M1AP: variants seen among roughly 807,000 people sequenced by gnomAD.
The protein encoded by M1AP is meiosis 1 arrest protein.
M1AP carries 39 observed loss-of-function variants against 51.2 expected under a neutral mutation model. The observed-to-expected ratio is 0.76, with a 90% CI of 0.59 to 1.00. The LOEUF is 1.00. M1AP is among the 50% of genes least tolerant of loss of function. M1AP has a pLI of 0.00. For synonymous variants in M1AP, 251 were observed against 249.2 expected (o/e 1.01, Z -0.07); for missense variants, 545 against 641.2 (o/e 0.85, Z 1.62).
intron 7 of M1AP, among the ~76,000 whole-genome samples, chr2:74,571,115 G>A (rs1678712890): frequency 6.6e-6 from 1 of 152,204 alleles, no homozygotes; most frequent in African/African-American, 2.4e-5. Flanking sequence ...GTGCCAATGT[G>A]CAGGGAAAAC....
chr2:74,638,597 T>C (rs1031800084), intron 2 of M1AP, among the ~76,000 whole-genome samples: 1 of 152,224 alleles, frequency 6.6e-6, no homozygotes, highest in African/African-American at 2.4e-5. Context: ...TCAGTCGTTC[T>C]GGGAGAAGCC....
intron 4 of M1AP, among the ~76,000 whole-genome samples, chr2:74,585,001 C>T (rs1679624789): frequency 6.6e-6 from 1 of 151,722 alleles, no homozygotes; most frequent in Admixed American, 6.6e-5. Flanking sequence ...AGCCACCACA[C>T]CTGGCTAATT....
In M1AP at chr2:74,610,718, G is replaced by A. The variant is rs553650398; in HGVS notation, c.427-3495C>T. On this transcript the variant is annotated intron_variant, in intron 3 of 10. Coordinates refer to ENST00000421985, the MANE Select transcript of M1AP (RefSeq NM_001321739.2). ...CTTACCTTGGCTCCCAAAGTGCTGGGATTACAGGCGTGAGCTACTGCACCT... is the reference window on the plus strand; with the variant it reads ...CTTACCTTGGCTCCCAAAGTGCTGGAATTACAGGCGTGAGCTACTGCACCT... Among the ~76,000 whole-genome samples, 29 of 152,140 alleles carry A rather than the reference G, an allele frequency of 1.9e-4. No individual in the cohort carries two copies. The South Asian group carries it at 5.8e-3, about 31-fold the overall frequency.
intron 3 of M1AP, 107 bp downstream of exon 3, chr2:74,614,857 A>G (rs557718901): frequency 2.0e-6 from 2 of 1,020,792 alleles, no homozygotes; most frequent in East Asian, 2.5e-5. Context: ...TTTGAATATT[A>G]CATCTAGAGT....
At chr2:74,646,313 G>A (rs971435296) in intron 1 of M1AP, among the ~76,000 whole-genome samples, 2 of 152,216 alleles carry the variant, frequency 1.3e-5, no homozygotes, top group African/African-American at 4.8e-5. Flanking sequence ...GATAATGCCA[G>A]GAGTGAAATC....
At chr2:74,626,257 GTTTTT>G (rs1337799000) in intron 2 of M1AP, among the ~76,000 whole-genome samples, 1 of 125,932 alleles carries the variant, frequency 7.9e-6, no homozygotes, top group African/African-American at 3.0e-5. Flanking sequence ...CTATATTTCA[GTTTTT>G]TTTTTTTTTT....
intron 7 of M1AP, among the ~76,000 whole-genome samples, chr2:74,564,943 A>T (rs1407282537): frequency 6.6e-6 from 1 of 152,228 alleles, no homozygotes; most frequent in Non-Finnish European, 1.5e-5. Flanking sequence ...TATTCAGGCC[A>T]GGCACAGTGG....
At chr2:74,593,316 C>T (rs1449843174) in intron 4 of M1AP, among the ~76,000 whole-genome samples, 1 of 152,158 alleles carries the variant, frequency 6.6e-6, no homozygotes, top group African/African-American at 2.4e-5. Flanking sequence ...TGGTTAGGTT[C>T]CAGTACCCAA....
intron 2 of M1AP, among the ~76,000 whole-genome samples, chr2:74,619,840 G>A (rs1681900320): frequency 6.6e-6 from 1 of 152,156 alleles, no homozygotes; most frequent in Non-Finnish European, 1.5e-5. Context: ...GAATGAAGGA[G>A]TTGACCTAGG....
At chr2:74,634,163 T>C (rs1682848018) in intron 2 of M1AP, among the ~76,000 whole-genome samples, 1 of 152,228 alleles carries the variant, frequency 6.6e-6, no homozygotes, top group Admixed American at 6.5e-5. Flanking sequence ...AAGCACTCCA[T>C]AATATCAGCT....
intron 2 of M1AP, 21 bp from the exon 3 acceptor site, chr2:74,615,170 A>G (rs1164328031): frequency 1.2e-6 from 2 of 1,611,524 alleles, no homozygotes; most frequent in Middle Eastern, 1.7e-4. Flanking sequence ...AAACGAATCA[A>G]AGACACAAGT....
At chr2:74,628,788 A>C (rs1333609262) in intron 2 of M1AP, 1 of 506,396 alleles carries the variant, frequency 2.0e-6, no homozygotes, top group Admixed American at 2.3e-5. Flanking sequence ...CTCACAGAGA[A>C]GATAGACAAT....
chr2:74,625,790 C>A (rs764374256), intron 2 of M1AP, among the ~76,000 whole-genome samples: 13 of 152,222 alleles, frequency 8.5e-5, no homozygotes, highest in African/African-American at 1.2e-4. Flanking sequence ...CTTTCTGCAG[C>A]CCTTTCAACA....
rs1187189962 is a variant in M1AP at position 74,629,367 on chromosome 2, G to C, written c.240+10669C>G. Among the ~76,000 whole-genome samples, 7 of 152,146 alleles carry C rather than the reference G, an allele frequency of 4.6e-5. 1 individual carries two copies. The highest frequency in any genetic ancestry group is 4.6e-4 in the Admixed American group (7 of 15,268). ...TTCCAAAATCCAAAACTTTTTGAGGGCCAACATGAGGCCATAAGTGGAAAA... is the reference window on the plus strand; with the variant it reads ...TTCCAAAATCCAAAACTTTTTGAGGCCCAACATGAGGCCATAAGTGGAAAA... On this transcript the variant is annotated intron_variant, in intron 2 of 10. Transcript: ENST00000421985.
intron 2 of M1AP, among the ~76,000 whole-genome samples, chr2:74,639,078 A>T (rs1683142928): frequency 6.6e-6 from 1 of 152,238 alleles, no homozygotes; most frequent in Admixed American, 6.5e-5. Flanking sequence ...GAAATAAACC[A>T]TGAGTTGTTA....
chr2:74,605,846 A>G (rs926513006), intron 4 of M1AP, among the ~76,000 whole-genome samples: 8 of 151,758 alleles, frequency 5.3e-5, no homozygotes, highest in Non-Finnish European at 1.0e-4. Flanking sequence ...GCTTGCAGTG[A>G]GCCGAGATCG....
intron 7 of M1AP, among the ~76,000 whole-genome samples, chr2:74,566,955 G>A (rs1678432365): frequency 6.6e-6 from 1 of 152,138 alleles, no homozygotes; most frequent in Non-Finnish European, 1.5e-5. Context: ...AAAGACCTAG[G>A]TGGTATTTTC....
At chr2:74,611,234 G>A (rs1681320932) in intron 3 of M1AP, among the ~76,000 whole-genome samples, 1 of 152,190 alleles carries the variant, frequency 6.6e-6, no homozygotes, top group South Asian at 2.1e-4. Context: ...AGTTTGTAGA[G>A]TAGTTAAGAA....
intron 1 of M1AP, chr2:74,647,181 T>C: frequency 2.0e-6 from 2 of 976,786 alleles, no homozygotes; most frequent in Non-Finnish European, 2.4e-6. Context: ...GAATCCAATA[T>C]CTTTACCCTG....
Sources: allele counts gnomAD v4.1 joint callset (sites outside exome capture counted in the v4.1 genomes callset), GRCh38; gene constraint gnomAD v4.1.1; transcripts MANE v1.5; gene names NCBI Gene and HGNC (gene_info 2026-07-23, HGNC 2026-07-21).